CDKL5: variants seen among roughly 807,000 people sequenced by gnomAD.
CDKL5 encodes cyclin-dependent kinase-like 5.
CDKL5 carries 8 observed loss-of-function variants against 61.7 expected under a neutral mutation model. The observed-to-expected ratio is 0.13, with a 90% CI of 0.08 to 0.23. The LOEUF is 0.23. CDKL5 is among the 10% of genes least tolerant of loss of function. The probability of loss-of-function intolerance (pLI) is 1.00; values close to 1 mark genes in which losing one functional copy is unlikely to be tolerated. For missense variants in CDKL5, 440 were observed against 734.5 expected (o/e 0.60, Z 4.63); for synonymous variants, 275 against 272.3 (o/e 1.01, Z -0.10).
intron 2 of CDKL5, 48 bp downstream of exon 2, chrX:18,507,208 A>G (rs773735120): frequency 1.2e-6 from 1 of 851,295 alleles, no homozygotes; most frequent in Non-Finnish European, 1.8e-6. Context: ...ATGAACAGTT[A>G]GTTATTCCTA....
intron 17 of CDKL5, chrX:18,627,439 A>G (rs6527856): frequency 0.11 from 11,984 of 111,716 alleles, 1,296 homozygotes; most frequent in African/African-American, 0.33. Context: ...TCCAGCAGTC[A>G]TGATTGGCTG....
intron 3 of CDKL5, among the ~76,000 whole-genome samples, chrX:18,561,017 A>T (rs777997320): frequency 4.5e-5 from 5 of 111,006 alleles, no homozygotes; most frequent in Non-Finnish European, 9.4e-5. Flanking sequence ...ATGTTAGAAA[A>T]TGGCAGCCCT....
chrX:18,610,507 G>T (rs1298421237), intron 14 of CDKL5, among the ~76,000 whole-genome samples: 1 of 112,784 alleles, frequency 8.9e-6, no homozygotes, highest in Admixed American at 9.3e-5. Context: ...GAGACATTCA[G>T]TTCTCTTCGT....
At chrX:18,645,973 C>T (rs1927754245) in intron 19 of CDKL5, 6 of 1,210,592 alleles carry the variant, frequency 5.0e-6, no homozygotes, top group Non-Finnish European at 5.6e-6. Context: ...GTCATGCGCA[C>T]TCTGCTGCTC....
intron 1 of CDKL5, among the ~76,000 whole-genome samples, chrX:18,473,391 A>G (rs893463279): frequency 1.8e-5 from 2 of 111,153 alleles, no homozygotes; most frequent in African/African-American, 6.5e-5. Flanking sequence ...CACTTTTAGA[A>G]TAGTACAGTA....
At chrX:18,553,874 C>T (rs1264869657) in intron 3 of CDKL5, among the ~76,000 whole-genome samples, 1 of 110,825 alleles carries the variant, frequency 9.0e-6, no homozygotes, top group African/African-American at 3.3e-5. Flanking sequence ...TTTTTAGAAA[C>T]GGTACATGAA....
intron 4 of CDKL5, among the ~76,000 whole-genome samples, chrX:18,572,076 A>G (rs1290947290): frequency 8.9e-6 from 1 of 112,148 alleles, no homozygotes; most frequent in African/African-American, 3.2e-5. Flanking sequence ...CTCATAATCA[A>G]TACAATTTTA....
chrX:18,554,026 C>A (rs950948457), intron 3 of CDKL5, among the ~76,000 whole-genome samples: 1 of 109,419 alleles, frequency 9.1e-6, no homozygotes, highest in Non-Finnish European at 1.9e-5. Context: ...ATCATGTCAA[C>A]CTTAATAGGC....
Position 18,630,708 on chromosome X carries a change from A to G in CDKL5, c.*1951A>G, listed in dbSNP as rs1927208520. ...AATTTTAATGAGTGTAATAGGCACTAAAATGAAACTCGACTGGGTACTATT... is the reference window on the plus strand; with the variant it reads ...AATTTTAATGAGTGTAATAGGCACTGAAATGAAACTCGACTGGGTACTATT... On this transcript the variant is annotated 3_prime_UTR_variant, in exon 18 of 18. Transcript: ENST00000623535. 1 of 747,445 alleles carries G rather than the reference A, an allele frequency of 1.3e-6. No homozygotes were observed. Among genetic ancestry groups the G allele is most frequent in the African/African-American group, 2.4e-5 (1 of 42,487 alleles). 61.6% of individuals were successfully genotyped at this position (747,445 alleles called of 1,213,427 possible).
chrX:18,508,184 A>C (rs1922652790), intron 2 of CDKL5, among the ~76,000 whole-genome samples: 1 of 112,726 alleles, frequency 8.9e-6, no homozygotes, highest in Non-Finnish European at 1.9e-5. Flanking sequence ...ATGTTACAAA[A>C]ATTTCATATT....
At chrX:18,450,927 T>G (rs1932000230) in intron 1 of CDKL5, among the ~76,000 whole-genome samples, 1 of 109,964 alleles carries the variant, frequency 9.1e-6, no homozygotes, top group African/African-American at 3.3e-5. Context: ...CTTTTAACTG[T>G]TACTTTATTT....
intron 4 of CDKL5, among the ~76,000 whole-genome samples, chrX:18,566,073 A>G (rs1924959813): frequency 8.9e-6 from 1 of 112,487 alleles, no homozygotes; most frequent in Non-Finnish European, 1.9e-5. Context: ...CTTTCAGGGC[A>G]TATTGGCAAG....
At chrX:18,495,136 T>G (rs1922124264) in intron 1 of CDKL5, among the ~76,000 whole-genome samples, 1 of 112,569 alleles carries the variant, frequency 8.9e-6, no homozygotes, top group Admixed American at 9.4e-5. Context: ...ACCAAATGTA[T>G]TCCTATGCAA....
chrX:18,627,418 A>G (rs1927095829), intron 17 of CDKL5: 1 of 112,177 alleles, frequency 8.9e-6, no homozygotes, highest in African/African-American at 3.2e-5. Context: ...GTTGTAGCCC[A>G]AGTGGCCAAA....
At chrX:18,526,908 C>T (rs988823469) in intron 3 of CDKL5, among the ~76,000 whole-genome samples, 3 of 110,389 alleles carry the variant, frequency 2.7e-5, no homozygotes, top group East Asian at 2.8e-4. Context: ...CTCAGCCTCC[C>T]GAGTAGCTGG....
rs1927349453 is a variant in CDKL5, at chrX:18,635,234, A to T, written c.*6477A>T. The T allele has an allele frequency of 1.1e-5, 8 of 748,622 alleles. No individual in the cohort carries two copies. In the South Asian group the frequency reaches 2.0e-4, roughly 19 times the overall value. 61.7% of individuals were successfully genotyped at this position (748,622 alleles called of 1,213,427 possible). A position where few individuals can be genotyped will look rare whatever the true frequency, so the allele number is the denominator to read the frequency against. On this transcript the variant is annotated 3_prime_UTR_variant, in exon 18 of 18. Coordinates refer to ENST00000623535, the MANE Select transcript of CDKL5 (RefSeq NM_001323289.2). ...TTTTCTGGCATGTAATTCCATTCTA[A>T]ACTTATGTAAAATTTCTATTGTTGC...
At chrX:18,557,468 C>G (rs1467472369) in intron 3 of CDKL5, among the ~76,000 whole-genome samples, 1 of 111,485 alleles carries the variant, frequency 9.0e-6, no homozygotes, top group Non-Finnish European at 1.9e-5. Flanking sequence ...CCCTCTATAT[C>G]CTCGTAGATA....
At chrX:18,481,352 C>CTTTT (rs1351859804) in intron 1 of CDKL5, among the ~76,000 whole-genome samples, 1 of 101,390 alleles carries the variant, frequency 9.9e-6, no homozygotes, top group Admixed American at 1.1e-4. Context: ...TTCTTTCTTT[C>CTTTT]TTTCTTTCTT....
At chrX:18,594,978 C>T (rs1287332248) in intron 9 of CDKL5, among the ~76,000 whole-genome samples, 1 of 111,253 alleles carries the variant, frequency 9.0e-6, no homozygotes, top group African/African-American at 3.3e-5. Flanking sequence ...GTCAGGAGTT[C>T]GATGCCAGCC....
Sources: gnomAD v4.1 joint callset for allele counts (sites outside exome capture counted in the v4.1 genomes callset) on GRCh38, gnomAD v4.1.1 for gene constraint, MANE v1.5 for transcripts, NCBI Gene and HGNC (gene_info 2026-07-23, HGNC 2026-07-21) for gene names.